Variants in CAMK1D observed in about 807,000 individuals in gnomAD.
CAMK1D encodes calcium/calmodulin-dependent protein kinase type 1D.
A neutral mutation model predicts 47.7 loss-of-function variants in CAMK1D; 9 were observed. The observed-to-expected ratio is 0.19, with a 90% CI of 0.11 to 0.33. The LOEUF is 0.33. Ranked by LOEUF, CAMK1D falls within the 10% of genes least tolerant of loss-of-function variation. The pLI is 1.00. For synonymous variants in CAMK1D, 184 were observed against 184.9 expected, an observed-to-expected ratio of 0.99 and a Z score of 0.04; for missense variants, 291 against 488.7, an observed-to-expected ratio of 0.60 and a Z score of 3.81.
intron 1 of CAMK1D, among the ~76,000 whole-genome samples, chr10:12,490,061 G>C (rs1470496479): frequency 6.6e-6 from 1 of 152,178 alleles, no homozygotes; most frequent in Admixed American, 6.5e-5. Flanking sequence ...GCAGGGGAGG[G>C]CAAGGGTGCC....
chr10:12,822,043 T>G (rs891830295), intron 8 of CAMK1D, among the ~76,000 whole-genome samples: 2 of 151,980 alleles, frequency 1.3e-5, no homozygotes, highest in East Asian at 3.8e-4. Flanking sequence ...GTTGCCTAAG[T>G]GTGTGTATAT....
intron 1 of CAMK1D, among the ~76,000 whole-genome samples, chr10:12,388,705 G>A (rs1040567552): frequency 7.9e-5 from 12 of 152,256 alleles, no homozygotes; most frequent in East Asian, 7.7e-4. Context: ...AGACTTCTGC[G>A]GGGCTCAAAG....
chr10:12,515,552 A>G (rs930027041), intron 1 of CAMK1D, among the ~76,000 whole-genome samples: 2 of 130,720 alleles, frequency 1.5e-5, no homozygotes, highest in Non-Finnish European at 3.3e-5. Context: ...ATATCTCCCA[A>G]TGCTATCCCT....
At chr10:12,674,634 G>A (rs971249407) in intron 3 of CAMK1D, among the ~76,000 whole-genome samples, 1 of 46,696 alleles carries the variant, frequency 2.1e-5, no homozygotes, top group African/African-American at 6.8e-5. Context: ...TCTGTTTTTG[G>A]AACATTCTGC....
chr10:12,372,112 A>G (rs914137070), intron 1 of CAMK1D, among the ~76,000 whole-genome samples: 5 of 152,232 alleles, frequency 3.3e-5, no homozygotes, highest in Non-Finnish European at 7.3e-5. Context: ...TAGGAGCAGT[A>G]GCTGTATCAT....
chr10:12,794,325 G>A (rs1006887277), intron 6 of CAMK1D, among the ~76,000 whole-genome samples: 1 of 152,168 alleles, frequency 6.6e-6, no homozygotes. Flanking sequence ...GGGTGGGTGA[G>A]ATCAATAATT....
chr10:12,452,991 C>G (rs958770592), intron 1 of CAMK1D, among the ~76,000 whole-genome samples: 2 of 152,122 alleles, frequency 1.3e-5, no homozygotes, highest in Non-Finnish European at 2.9e-5. Context: ...TGCCCTCATT[C>G]AACAGCAACT....
intron 1 of CAMK1D, among the ~76,000 whole-genome samples, chr10:12,450,164 GGAAA>G (rs1008553702): frequency 2.0e-4 from 30 of 151,902 alleles, no homozygotes; most frequent in African/African-American, 7.0e-4. Flanking sequence ...AAGGAAAAAG[GGAAA>G]GAAGGAAGGA....
chr10:12,526,938 C>T (rs1193993332), intron 1 of CAMK1D, among the ~76,000 whole-genome samples: 1 of 150,824 alleles, frequency 6.6e-6, no homozygotes, highest in Non-Finnish European at 1.5e-5. Context: ...CTAGTCCCAG[C>T]TACTCAGAAG....
At chr10:12,414,474 C>A (rs751049122) in intron 1 of CAMK1D, among the ~76,000 whole-genome samples, 2 of 152,170 alleles carry the variant, frequency 1.3e-5, no homozygotes, top group African/African-American at 2.4e-5. Context: ...AGTTTCTGAT[C>A]TGCCATGTTA....
intron 3 of CAMK1D, among the ~76,000 whole-genome samples, chr10:12,681,368 A>G (rs1840988561): frequency 6.6e-6 from 1 of 151,468 alleles, no homozygotes; most frequent in South Asian, 2.1e-4. Context: ...CCCCATGATC[A>G]CTCTCCTGCT....
intron 5 of CAMK1D, among the ~76,000 whole-genome samples, chr10:12,773,609 T>A (rs562386276): frequency 1.4e-4 from 22 of 152,324 alleles, no homozygotes; most frequent in African/African-American, 5.1e-4. Flanking sequence ...AATACAAATA[T>A]GGGCCGGGGG....
intron 1 of CAMK1D, among the ~76,000 whole-genome samples, chr10:12,360,800 T>C (rs1224192142): frequency 1.3e-5 from 2 of 152,078 alleles, no homozygotes; most frequent in Admixed American, 1.3e-4. Context: ...TATTGCCAAA[T>C]TGGGCCCTAA....
chr10:12,739,078 A>C (rs74449467), intron 3 of CAMK1D, among the ~76,000 whole-genome samples: 5,855 of 151,810 alleles, frequency 0.039, 145 homozygotes, highest in South Asian at 0.13. Context: ...TTCTGCAAAA[A>C]ATAGAAATAT....
chr10:12,698,759 G>A (rs965668292), intron 3 of CAMK1D, among the ~76,000 whole-genome samples: 2 of 127,914 alleles, frequency 1.6e-5, no homozygotes, highest in African/African-American at 5.9e-5. Flanking sequence ...TGTATCCTCC[G>A]CCTCCTGGAT....
At chr10:12,656,509 GA>G (rs1840119634) in intron 2 of CAMK1D, among the ~76,000 whole-genome samples, 1 of 151,834 alleles carries the variant, frequency 6.6e-6, no homozygotes, top group Non-Finnish European at 1.5e-5. Context: ...AAAGAGAAAA[GA>G]AAAAAACCGC....
intron 1 of CAMK1D, among the ~76,000 whole-genome samples, chr10:12,521,291 AT>A (rs1835408667): frequency 6.6e-6 from 1 of 152,022 alleles, no homozygotes; most frequent in South Asian, 2.1e-4. Context: ...TATTCCACAA[AT>A]TTTTGGTACT....
At chr10:12,742,270 G>T (rs759531118) in intron 3 of CAMK1D, among the ~76,000 whole-genome samples, 20 of 152,188 alleles carry the variant, frequency 1.3e-4, no homozygotes, top group African/African-American at 3.9e-4. Flanking sequence ...AAGTAGCTGG[G>T]ACTACAGGCA....
chr10:12,396,273 C>T (rs1197393398), intron 1 of CAMK1D, among the ~76,000 whole-genome samples: 1 of 152,218 alleles, frequency 6.6e-6, no homozygotes, highest in African/African-American at 2.4e-5. Context: ...CTGCTGGGCG[C>T]TGCTGGTGTC....
Sources: gnomAD v4.1 joint callset for allele counts (sites outside exome capture counted in the v4.1 genomes callset) on GRCh38, gnomAD v4.1.1 for gene constraint, MANE v1.5 for transcripts, NCBI Gene and HGNC (gene_info 2026-07-23, HGNC 2026-07-21) for gene names.